The following PKD1L1 variants were observed in gnomAD, a reference collection of about 807,000 sequenced individuals.
PKD1L1 encodes polycystin 1 like 1, transient receptor potential channel interacting.
PKD1L1 carries 236 observed loss-of-function variants against 323.4 expected under a neutral mutation model. The observed-to-expected ratio is 0.73, with a 90% CI of 0.66 to 0.81. The LOEUF (loss-of-function observed/expected upper bound fraction) is 0.81, where lower values mean the gene tolerates loss of function less well. Among genes scored for constraint, PKD1L1 ranks in the 40% least tolerant of loss-of-function variants. The probability of loss-of-function intolerance (pLI) is 0.00; values close to 1 mark genes in which losing one functional copy is unlikely to be tolerated. For missense variants in PKD1L1, 3,320 were observed against 3,508.0 expected (o/e 0.95, Z 1.35); for synonymous variants, 1,344 against 1,335.0 (o/e 1.01, Z -0.15).
At chr7:47,936,415 T>C (rs2128757103) in intron 4 of PKD1L1, among the ~76,000 whole-genome samples, 1 of 152,332 alleles carries the variant, frequency 6.6e-6, no homozygotes, top group South Asian at 2.1e-4. Flanking sequence ...AGTAGAATTA[T>C]AAAGGATGTG....
intron 3 of PKD1L1, among the ~76,000 whole-genome samples, chr7:47,937,253 T>TGGGG (rs1787886392): frequency 4.1e-4 from 1 of 2,464 alleles, no homozygotes; most frequent in African/African-American, 1.2e-3. Context: ...CGGGACGGGG[T>TGGGG]GGGGGTGGGG....
intron 22 of PKD1L1, among the ~76,000 whole-genome samples, 198 bp downstream of exon 22, chr7:47,877,291 G>T (rs1234622134): frequency 6.6e-6 from 1 of 152,142 alleles, no homozygotes; most frequent in Admixed American, 6.5e-5. Context: ...CAACCAGGGG[G>T]CCACTTTGCA....
At chr7:47,889,784 G>A (rs1786768362) in intron 16 of PKD1L1, among the ~76,000 whole-genome samples, 1 of 152,158 alleles carries the variant, frequency 6.6e-6, no homozygotes, top group Non-Finnish European at 1.5e-5. Flanking sequence ...TAGGGCTATG[G>A]GCAGAGGGTC....
chr7:47,956,684 G>A, the PKD1L1 span: 2 of 152,184 alleles, frequency 1.3e-5, no homozygotes, highest in Non-Finnish European at 2.9e-5. Context: ...GAAACATGAT[G>A]TCACCAAACA....
intron 50 of PKD1L1, chr7:47,809,804 G>A (rs1468245629): frequency 1.5e-5 from 6 of 390,862 alleles, no homozygotes; most frequent in African/African-American, 1.2e-4. Flanking sequence ...CCATGCCAGG[G>A]GTTAGAACCC....
intron 2 of PKD1L1, among the ~76,000 whole-genome samples, chr7:47,941,173 G>A (rs571129507): frequency 9.8e-5 from 15 of 152,304 alleles, no homozygotes; most frequent in South Asian, 6.2e-4. Context: ...TGGGGGTGGC[G>A]GGTGAAGAGG....
At chr7:47,825,174 C>A (rs1785217750) in intron 45 of PKD1L1, among the ~76,000 whole-genome samples, 1 of 152,048 alleles carries the variant, frequency 6.6e-6, no homozygotes, top group Non-Finnish European at 1.5e-5. Flanking sequence ...ATTTGAACTT[C>A]TTTTATTCTG....
Position 47,813,540 on chromosome 7 carries a change from C to T in PKD1L1, c.7174-247G>A, listed in dbSNP as rs934088456. 3 of 684,678 alleles carry T rather than the reference C, an allele frequency of 4.4e-6. No homozygotes were observed. In the African/African-American group the frequency reaches 5.3e-5, roughly 12 times the overall value. The allele number at this position is 684,678 out of a possible 1,614,324, so 42.4% of individuals were successfully genotyped here. ...GTGTATGGTTCTAAGGCTTAGACCA[C>T]TTGAAGACTTCCCCATCATGAGATG... On this transcript the variant is annotated intron_variant, in intron 48 of 56. Transcript: ENST00000289672.
chr7:47,902,968 C>T (rs1037053267), intron 12 of PKD1L1, among the ~76,000 whole-genome samples: 22 of 152,144 alleles, frequency 1.4e-4, no homozygotes, highest in African/African-American at 5.1e-4. Flanking sequence ...GTTTTCCTGA[C>T]CAATTTCTTA....
chr7:47,886,395 A>G (rs1003031908), intron 17 of PKD1L1, among the ~76,000 whole-genome samples: 1 of 151,966 alleles, frequency 6.6e-6, no homozygotes, highest in Non-Finnish European at 1.5e-5. Flanking sequence ...CTTGGGATGT[A>G]TGGGGTTTCT....
rs778975741 is a variant in PKD1L1, at chr7:47,908,094, G to T, written c.1385C>A (p.Ser462Tyr). The T allele has an allele frequency of 6.2e-7, 1 of 1,613,804 alleles. No homozygotes were observed. The highest frequency in any genetic ancestry group is 1.1e-5 in the South Asian group (1 of 91,000). Residue 462 changes from serine to tyrosine, a missense_variant, in exon 9 of 57, where the codon TCC (serine) becomes TAC (tyrosine). Coordinates refer to ENST00000289672, the MANE Select transcript of PKD1L1 (RefSeq NM_138295.5). ...CGTCTTACTTTTCTGATTCACTTGG[G>T]AGTCAGCAAAGACAAGCACTTCATC... Reference protein sequence around the residue: ...HEDEVLVFADSQVNQKSTVVI... With the variant: ...HEDEVLVFADYQVNQKSTVVI...
At chr7:47,899,255 C>T (rs1787024629) in intron 13 of PKD1L1, among the ~76,000 whole-genome samples, 1 of 152,210 alleles carries the variant, frequency 6.6e-6, no homozygotes, top group African/African-American at 2.4e-5. Context: ...TCTGGTATGA[C>T]CCTGGTAGTC....
At chr7:47,888,773 T>A (rs1180936109) in intron 16 of PKD1L1, among the ~76,000 whole-genome samples, 1 of 152,152 alleles carries the variant, frequency 6.6e-6, no homozygotes, top group Admixed American at 6.5e-5. Context: ...CATGGCTGCC[T>A]TCTGTCAAGC....
chr7:47,786,425 G>A (rs1439049170), intron 56 of PKD1L1, among the ~76,000 whole-genome samples: 1 of 152,178 alleles, frequency 6.6e-6, no homozygotes, highest in African/African-American at 2.4e-5. Context: ...GTGGACTGTG[G>A]CACGCCAGTC....
In PKD1L1 at chr7:47,936,930, G is replaced by C; in HGVS notation, c.314C>G (p.Ala105Gly). ...TGTTTTTTCATTAACAACACTTAAC[G>C]CTGCTTCACTAGTTGTTTTCCAAAT... ...KNIWKTTSEAALSVVNEKTQA... is the reference protein window; with the variant it reads ...KNIWKTTSEAGLSVVNEKTQA... The change falls in exon 4 of 57, where the codon GCG becomes GGG. Residue 105 changes from alanine (A) to glycine (G), a missense_variant. Physicochemically the swap from Ala to Gly is moderately conservative, Grantham distance 60. Coordinates refer to ENST00000289672, the MANE Select transcript of PKD1L1 (RefSeq NM_138295.5). The C allele has an allele frequency of 6.2e-7, 1 of 1,612,548 alleles. No homozygotes were observed. Among genetic ancestry groups the C allele is most frequent in the Non-Finnish European group, 8.5e-7 (1 of 1,179,646 alleles).
At chr7:47,901,946 A>G (rs1453983177) in intron 13 of PKD1L1, among the ~76,000 whole-genome samples, 5 of 152,150 alleles carry the variant, frequency 3.3e-5, no homozygotes, top group African/African-American at 9.7e-5. Flanking sequence ...ATGTCCTTTC[A>G]TTTTGGTGTT....
At position 47,813,942 on chromosome 7, in the gene PKD1L1, G is replaced by C. The variant is rs189308323; in HGVS notation, c.7162C>G (p.His2388Asp). ...VIRQLKVFPR[H>D]LCKPPRPFSA... ...AAGGAACATCTTACCTTGCATAAAT[G>C]CCTAGGAAAAACTTTTAGCTGCCTA... The change falls in exon 48 of 57, where the codon CAT (histidine) becomes GAT (aspartate). Residue 2388 changes from histidine (H) to aspartate (D), a missense_variant. His to Asp is a moderately conservative substitution (Grantham distance 81). Coordinates refer to ENST00000289672, the MANE Select transcript of PKD1L1 (RefSeq NM_138295.5). 87 of 1,613,474 alleles carry C rather than the reference G, an allele frequency of 5.4e-5. No individual in the cohort carries two copies. In the East Asian group the frequency reaches 1.8e-3, roughly 33 times the overall value.
chr7:47,901,742 T>C (rs1787094441), intron 13 of PKD1L1, among the ~76,000 whole-genome samples: 1 of 152,324 alleles, frequency 6.6e-6, no homozygotes, highest in East Asian at 1.9e-4. Flanking sequence ...GGCTGACCTC[T>C]TGGGGTCAGA....
rs148845676 is a variant in PKD1L1, at chr7:47,846,885, T to A, written c.5147A>T (p.Asn1716Ile). Reference sequence around the variant, plus strand: ...TTCTCAAATGTGTCTATACCTGCAGTTCACTTTTTCAGGAGAAGTCCCTGG... The same window carrying A: ...TTCTCAAATGTGTCTATACCTGCAGATCACTTTTTCAGGAGAAGTCCCTGG... ...PQPGTSPEKV[N>I]CSYHRLAAFA... Residue 1716 changes from asparagine to isoleucine, a missense_variant, in exon 32 of 57, where the codon AAC (asparagine) becomes ATC (isoleucine). Transcript: ENST00000289672. 5.6e-6 allele frequency: 9 copies of A among 1,603,196 alleles called. No homozygotes were observed. The African/African-American group carries it at 8.1e-5, about 14-fold the overall frequency.
Sources: allele counts gnomAD v4.1 joint callset (sites outside exome capture counted in the v4.1 genomes callset), GRCh38; gene constraint gnomAD v4.1.1; transcripts MANE v1.5; gene names NCBI Gene and HGNC (gene_info 2026-07-23, HGNC 2026-07-21).